The following PSMD14 variants were observed in gnomAD, a reference collection of about 807,000 sequenced individuals.
PSMD14 encodes the protein ubiquitin C-terminal hydrolase PSMD14.
A neutral mutation model predicts 41.2 loss-of-function variants in PSMD14; 7 were observed. That is an observed-to-expected ratio of 0.17 (90% confidence interval 0.10 to 0.32). PSMD14 has a LOEUF of 0.32. PSMD14 is among the 10% of genes least tolerant of loss of function. The pLI is 1.00. For missense variants in PSMD14, 139 were observed against 375.6 expected (o/e 0.37, Z 5.21); for synonymous variants, 114 against 122.3 (o/e 0.93, Z 0.45).
In PSMD14 at chr2:161,327,975, TGTGTGTGTGA is replaced by T. The variant is rs994033818; in HGVS notation, c.48+9104_48+9113del. 3.4e-4 allele frequency among the ~76,000 whole-genome samples: 51 copies of T among 150,036 alleles called. No individual in the cohort carries two copies. The East Asian group carries it at 6.6e-3, about 19-fold the overall frequency. ...GTGTGTGTGTGTGTGTGTGTGTGTG[TGTGTGTGTGA>T]GATGTTGGTTAGGAATTATAGCTCA... On this transcript the variant is annotated intron_variant, in intron 3 of 11. Coordinates refer to ENST00000409682, the MANE Select transcript of PSMD14 (RefSeq NM_005805.6).
intron 7 of PSMD14, among the ~76,000 whole-genome samples, chr2:161,377,896 G>T (rs1001340864): frequency 6.6e-6 from 1 of 151,780 alleles, no homozygotes; most frequent in African/African-American, 2.4e-5. Flanking sequence ...AGAGTACATT[G>T]GAATTATAGA....
chr2:161,310,781 C>T (rs566644035), intron 1 of PSMD14, among the ~76,000 whole-genome samples: 1 of 152,220 alleles, frequency 6.6e-6, no homozygotes, highest in East Asian at 1.9e-4. Flanking sequence ...TAGGTGGTGA[C>T]GCCGGATTCA....
At chr2:161,367,572 T>TG (rs1272863066) in intron 4 of PSMD14, 23 bp downstream of exon 4, 1 of 1,565,830 alleles carries the variant, frequency 6.4e-7, no homozygotes, top group East Asian at 2.3e-5. Context: ...TGTAGTTACT[T>TG]GCTTTAGAGA....
In PSMD14 at chr2:161,351,850, T is replaced by C. The variant is rs191076783; in HGVS notation, c.49-15628T>C. Among the ~76,000 whole-genome samples, 108 of 152,286 alleles carry C rather than the reference T, an allele frequency of 7.1e-4. No individual in the cohort carries two copies. The East Asian group carries it at 0.02, about 28-fold the overall frequency. On this transcript the variant is annotated intron_variant, in intron 3 of 11. Transcript: ENST00000409682. Reference sequence around the variant, plus strand: ...AGTGACATGGCCACTCTGCTTACATTTTATTGGCTGAAGAGGGTCACATGT... The same window carrying C: ...AGTGACATGGCCACTCTGCTTACATCTTATTGGCTGAAGAGGGTCACATGT...
intron 3 of PSMD14, among the ~76,000 whole-genome samples, chr2:161,344,520 A>G (rs1421278457): frequency 6.6e-6 from 1 of 152,248 alleles, no homozygotes; most frequent in Non-Finnish European, 1.5e-5. Context: ...TTCAGTCCAT[A>G]ATAAAAATTA....
At chr2:161,340,806 T>C in intron 3 of PSMD14, 2 of 1,613,818 alleles carry the variant, frequency 1.2e-6, no homozygotes, top group South Asian at 2.2e-5. Context: ...ACGCTAAGGA[T>C]AACTTCGTTA....
chr2:161,363,303 C>T (rs1040688729), intron 3 of PSMD14, among the ~76,000 whole-genome samples: 4 of 152,162 alleles, frequency 2.6e-5, no homozygotes, highest in African/African-American at 7.2e-5. Context: ...GACTGCTGCT[C>T]TAATTTTATT....
Position 161,408,917 on chromosome 2 carries a change from T to C in PSMD14, c.834+18T>C, listed in dbSNP as rs904821555. ...GCAAGCAGGTGAGGTGTACTGTTAATAAGTTATGCAGTTGCATAATAACAT... is the reference window on the plus strand; with the variant it reads ...GCAAGCAGGTGAGGTGTACTGTTAACAAGTTATGCAGTTGCATAATAACAT... On this transcript the variant is annotated intron_variant, in intron 11 of 11. Transcript: ENST00000409682. 13 of 1,577,658 alleles carry C rather than the reference T, an allele frequency of 8.2e-6. No individual in the cohort carries two copies. Among genetic ancestry groups the C allele is most frequent in the Non-Finnish European group, 7.8e-6 (9 of 1,150,670 alleles).
chr2:161,398,324 A>G (rs779394896), intron 10 of PSMD14, among the ~76,000 whole-genome samples: 13 of 152,092 alleles, frequency 8.5e-5, no homozygotes, highest in Non-Finnish European at 1.8e-4. Flanking sequence ...AGCTAAGGTA[A>G]TTGCTGTTGG....
intron 3 of PSMD14, among the ~76,000 whole-genome samples, chr2:161,350,021 T>G (rs1683097014): frequency 6.6e-6 from 1 of 152,202 alleles, no homozygotes; most frequent in Non-Finnish European, 1.5e-5. Context: ...GTCCATTTGG[T>G]GAGGGTACTT....
intron 3 of PSMD14, among the ~76,000 whole-genome samples, chr2:161,360,738 G>A (rs897802953): frequency 4.6e-5 from 7 of 151,904 alleles, no homozygotes; most frequent in Non-Finnish European, 8.8e-5. Flanking sequence ...GGGTTTCACC[G>A]TGTTAGCCAG....
At chr2:161,389,889 G>GTTTTTTTTTTTTTTTTTTTTTTTTTTT (rs1162637393) in intron 8 of PSMD14, among the ~76,000 whole-genome samples, 2 of 20,050 alleles carry the variant, frequency 1.0e-4, no homozygotes, top group African/African-American at 1.5e-4. Context: ...CTTTTTTGTT[G>GTTTTTTTTTTTTTTTTTTTTTTTTTTT]TTTTTTTTTT....
chr2:161,377,417 T>C (rs187884460), intron 7 of PSMD14, among the ~76,000 whole-genome samples: 4 of 152,036 alleles, frequency 2.6e-5, no homozygotes, highest in South Asian at 2.1e-4. Flanking sequence ...GTTTGAAGTT[T>C]TATAACACTC....
chr2:161,407,255 T>C (rs887604413), intron 10 of PSMD14, among the ~76,000 whole-genome samples: 1 of 152,128 alleles, frequency 6.6e-6, no homozygotes, highest in Admixed American at 6.6e-5. Context: ...CATTGAATAG[T>C]GGGAGAAGCA....
chr2:161,365,038 A>G (rs1162102892), intron 3 of PSMD14, among the ~76,000 whole-genome samples: 3 of 152,160 alleles, frequency 2.0e-5, no homozygotes, highest in Non-Finnish European at 4.4e-5. Context: ...CCCAGGAGGC[A>G]GTGGTTGCAG....
chr2:161,339,274 C>G lies in PSMD14; in HGVS notation c.48+20401C>G, dbSNP rs373859105. ...TTCCCACCAGCAGTGTGTGAGAGTT[C>G]CCGTTCTTCCACATCCTTGCCAGTA... is the stretch of plus-strand genomic sequence containing the variant. On this transcript the variant is annotated intron_variant, in intron 3 of 11. Coordinates refer to ENST00000409682, the MANE Select transcript of PSMD14 (RefSeq NM_005805.6). 4.4e-4 allele frequency among the ~76,000 whole-genome samples: 67 copies of G among 152,244 alleles called. 3 individuals carry two copies. In the South Asian group the frequency reaches 5.8e-3, roughly 13 times the overall value.
chr2:161,392,619 T>C lies in PSMD14; in HGVS notation c.645+1441T>C, dbSNP rs1683728003. On this transcript the variant is annotated intron_variant, in intron 9 of 11. Transcript: ENST00000409682. The stretch of plus-strand genomic sequence containing the variant: ...GGTCAAATCCACTCATAAACTCATC[T>C]GAAGGGCCCAGTGCTTGAGCATGTG... 3.3e-5 allele frequency among the ~76,000 whole-genome samples: 5 copies of C among 152,204 alleles called. No individual in the cohort carries two copies. In the South Asian group the frequency reaches 1.0e-3, roughly 32 times the overall value.
intron 3 of PSMD14, among the ~76,000 whole-genome samples, chr2:161,330,559 T>C (rs1682773056): frequency 1.3e-5 from 2 of 152,196 alleles, no homozygotes; most frequent in African/African-American, 4.8e-5. Context: ...ATTTGGGAAG[T>C]TCTCTAATTA....
intron 11 of PSMD14, among the ~76,000 whole-genome samples, chr2:161,410,895 G>A (rs1207853012): frequency 6.6e-6 from 1 of 152,006 alleles, no homozygotes; most frequent in East Asian, 1.9e-4. Context: ...CCTTTGGTAT[G>A]TCCGCTTTGA....
Sources: allele counts gnomAD v4.1 joint callset (sites outside exome capture counted in the v4.1 genomes callset), GRCh38; gene constraint gnomAD v4.1.1; transcripts MANE v1.5; gene names NCBI Gene and HGNC (gene_info 2026-07-23, HGNC 2026-07-21).